Variants in LINGO2 observed in about 807,000 individuals in gnomAD.
The protein encoded by LINGO2 is leucine rich repeat and Ig domain containing 2, also known as leucine-rich repeat and immunoglobulin-like domain-containing nogo receptor-interacting protein 2.
A neutral mutation model predicts 30.6 loss-of-function variants in LINGO2; 14 were observed. That is an observed-to-expected ratio of 0.46 (90% CI 0.30 to 0.72). The LOEUF is 0.72. Among genes scored for constraint, LINGO2 ranks in the 30% least tolerant of loss-of-function variants. The probability of loss-of-function intolerance (pLI) is 0.07; values close to 1 mark genes in which losing one functional copy is unlikely to be tolerated. For synonymous variants in LINGO2, 317 were observed against 288.5 expected (o/e 1.10, Z -1.00); for missense variants, 729 against 751.7 (o/e 0.97, Z 0.35).
the LINGO2 span, among the ~76,000 whole-genome samples, chr9:29,017,972 A>C: frequency 1.3e-5 from 2 of 151,318 alleles, no homozygotes; most frequent in Non-Finnish European, 2.9e-5. Flanking sequence ...AAGGCTTACA[A>C]CTTAGGTGCC....
the LINGO2 span, among the ~76,000 whole-genome samples, chr9:28,938,640 C>A: frequency 6.6e-6 from 1 of 152,140 alleles, no homozygotes; most frequent in Non-Finnish European, 1.5e-5. Context: ...ATTACAACTG[C>A]ATACAGTATT....
At chr9:28,447,313 T>A (rs1041775649) in intron 2 of LINGO2, among the ~76,000 whole-genome samples, 1 of 152,168 alleles carries the variant, frequency 6.6e-6, no homozygotes, top group Non-Finnish European at 1.5e-5. Flanking sequence ...TCCTTATGAA[T>A]GGAATTAGTT....
At chr9:28,046,606 T>G (rs890452826) in intron 4 of LINGO2, among the ~76,000 whole-genome samples, 2 of 152,202 alleles carry the variant, frequency 1.3e-5, no homozygotes, top group Non-Finnish European at 2.9e-5. Flanking sequence ...GGCTAATTCT[T>G]AAAGATTTTA....
chr9:29,212,798 C>G, the LINGO2 span, among the ~76,000 whole-genome samples: 1 of 152,182 alleles, frequency 6.6e-6, no homozygotes, highest in Admixed American at 6.5e-5. Flanking sequence ...CCAGGCGGGT[C>G]GTGCGATCGC....
At chr9:28,606,964 G>T (rs1316543789) in intron 1 of LINGO2, among the ~76,000 whole-genome samples, 1 of 151,914 alleles carries the variant, frequency 6.6e-6, no homozygotes, top group Non-Finnish European at 1.5e-5. Flanking sequence ...CATTTATTAG[G>T]AGCCCCTTAT....
At chr9:28,418,052 G>C (rs1478307899) in intron 2 of LINGO2, among the ~76,000 whole-genome samples, 1 of 152,030 alleles carries the variant, frequency 6.6e-6, no homozygotes, top group East Asian at 1.9e-4. Context: ...GTCTAAGAGA[G>C]GTTCCATTTT....
rs1230425781 is a variant in LINGO2, at chr9:28,506,555, G to C, written c.-364-30530C>G. Among the ~76,000 whole-genome samples, 6 of 110,574 alleles carry C rather than the reference G, an allele frequency of 5.4e-5. No homozygotes were observed. In the Admixed American group the frequency reaches 6.1e-4, roughly 11 times the overall value. The allele number at this position is 110,574 out of a possible 152,430, so 72.5% of individuals were successfully genotyped here. On this transcript the variant is annotated intron_variant, in intron 1 of 5. Transcript: ENST00000379992. ...GGGGACTAAGTGCCCTCTATTTCTA[G>C]TTAATGTCCATTTATAATTTATAAT...
intron 3 of LINGO2, among the ~76,000 whole-genome samples, chr9:28,346,189 C>T (rs939600760): frequency 2.6e-5 from 4 of 152,136 alleles, no homozygotes; most frequent in African/African-American, 9.7e-5. Flanking sequence ...GTTACTGGTC[C>T]TCTACTTCCT....
chr9:28,090,071 A>G (rs141854644), intron 4 of LINGO2, among the ~76,000 whole-genome samples: 4,195 of 152,250 alleles, frequency 0.028, 127 homozygotes, highest in South Asian at 0.086. Context: ...GCAATAATTA[A>G]TAGCTTACCA....
the LINGO2 span, among the ~76,000 whole-genome samples, chr9:28,722,460 AC>A: frequency 6.6e-6 from 1 of 152,070 alleles, no homozygotes; most frequent in Non-Finnish European, 1.5e-5. Context: ...TCATAACCAT[AC>A]CCAATGTGAA....
chr9:28,838,454 A>T, the LINGO2 span, among the ~76,000 whole-genome samples: 7 of 152,200 alleles, frequency 4.6e-5, no homozygotes, highest in Non-Finnish European at 1.0e-4. Context: ...TTGAATAGAC[A>T]TTACTAATAA....
the LINGO2 span, among the ~76,000 whole-genome samples, chr9:29,145,073 A>C: frequency 6.6e-6 from 1 of 152,142 alleles, no homozygotes; most frequent in Admixed American, 6.6e-5. Flanking sequence ...TAGCTTGTTT[A>C]GTTTTATTTC....
intron 1 of LINGO2, among the ~76,000 whole-genome samples, chr9:28,581,142 A>T (rs1824237335): frequency 6.6e-6 from 1 of 151,978 alleles, no homozygotes; most frequent in Non-Finnish European, 1.5e-5. Flanking sequence ...AAGATCTTGT[A>T]ATGAACTTTA....
chr9:27,950,631 C>T, exon 6 of LINGO2: 2 of 1,513,450 alleles, frequency 1.3e-6, no homozygotes, highest in Non-Finnish European at 1.8e-6. Context: ...CACAGCCAGA[C>T]CCAGGAATGG....
chr9:29,019,278 G>A, the LINGO2 span, among the ~76,000 whole-genome samples: 1 of 152,098 alleles, frequency 6.6e-6, no homozygotes, highest in Non-Finnish European at 1.5e-5. Context: ...ATTTTTTGGT[G>A]TATGCTGTGA....
chr9:28,348,870 C>T (rs1819715285), intron 3 of LINGO2, among the ~76,000 whole-genome samples: 2 of 152,078 alleles, frequency 1.3e-5, no homozygotes, highest in Admixed American at 6.5e-5. Flanking sequence ...AACTGGGAGG[C>T]ACCCCCCACC....
intron 2 of LINGO2, among the ~76,000 whole-genome samples, chr9:28,424,727 G>A (rs1246330458): frequency 6.6e-6 from 1 of 152,082 alleles, no homozygotes; most frequent in African/African-American, 2.4e-5. Flanking sequence ...ATTACAACAA[G>A]GCTTGATTTC....
the LINGO2 span, among the ~76,000 whole-genome samples, chr9:29,186,565 T>C: frequency 6.6e-6 from 1 of 152,158 alleles, no homozygotes; most frequent in Non-Finnish European, 1.5e-5. Flanking sequence ...TCTTCTGGGA[T>C]ACTAGCCATC....
chr9:28,559,749 A>G (rs1172497872), intron 1 of LINGO2, among the ~76,000 whole-genome samples: 1 of 151,916 alleles, frequency 6.6e-6, no homozygotes, highest in African/African-American at 2.4e-5. Context: ...TGTTCTGTAC[A>G]AGATTGTCCT....
Sources: gnomAD v4.1 joint callset for allele counts (sites outside exome capture counted in the v4.1 genomes callset) on GRCh38, gnomAD v4.1.1 for gene constraint, MANE v1.5 for transcripts, NCBI Gene and HGNC (gene_info 2026-07-23, HGNC 2026-07-21) for gene names.